CLINT1: variants seen among roughly 807,000 people sequenced by gnomAD.
CLINT1 encodes clathrin interactor 1, also known as clathrin interacting protein localized in the trans-Golgi region.
A neutral mutation model predicts 70.4 loss-of-function variants in CLINT1; 15 were observed. The observed-to-expected ratio is 0.21, with a 90% CI of 0.14 to 0.33. CLINT1 has a LOEUF of 0.33. Among genes scored for constraint, CLINT1 ranks in the 10% least tolerant of loss-of-function variants. CLINT1 has a pLI of 1.00. For missense variants in CLINT1, 615 were observed against 778.1 expected (o/e 0.79, Z 2.49); for synonymous variants, 227 against 254.7 (o/e 0.89, Z 1.04).
chr5:157,825,279 TTC>T (rs1479592045), intron 1 of CLINT1, among the ~76,000 whole-genome samples: 2 of 152,178 alleles, frequency 1.3e-5, no homozygotes, highest in East Asian at 3.8e-4. Flanking sequence ...ATTATGCATC[TTC>T]TGTTTTCCTC....
chr5:157,855,630 C>T (rs1753734532), intron 1 of CLINT1, among the ~76,000 whole-genome samples: 1 of 152,192 alleles, frequency 6.6e-6, no homozygotes, highest in African/African-American at 2.4e-5. Flanking sequence ...AATATACCCC[C>T]ACTTCCAGAA....
chr5:157,793,985 C>T (rs1369546090), intron 9 of CLINT1, among the ~76,000 whole-genome samples: 1 of 151,932 alleles, frequency 6.6e-6, no homozygotes, highest in Non-Finnish European at 1.5e-5. Flanking sequence ...ATTCTCATAG[C>T]TAAATTTTAA....
intron 1 of CLINT1, among the ~76,000 whole-genome samples, chr5:157,840,710 T>A (rs1300204768): frequency 6.6e-6 from 1 of 151,744 alleles, no homozygotes; most frequent in African/African-American, 2.4e-5. Flanking sequence ...TTACTACTCA[T>A]TGTTAATTTT....
intron 1 of CLINT1, among the ~76,000 whole-genome samples, chr5:157,820,424 C>A (rs1762845453): frequency 6.6e-6 from 1 of 151,868 alleles, no homozygotes; most frequent in Non-Finnish European, 1.5e-5. Flanking sequence ...TCCCCTCCCC[C>A]AAAAAAAGCT....
rs183589548 is a variant in CLINT1 at position 157,791,708 on chromosome 5, A to T, written c.1375T>A (p.Ser459Thr). 1 of 1,609,618 alleles carries T rather than the reference A, an allele frequency of 6.2e-7. No individual in the cohort carries two copies. Among genetic ancestry groups the T allele is most frequent in the Admixed American group, 1.7e-5 (1 of 59,482 alleles). The change falls in exon 10 of 12, where the codon TCA (serine) becomes ACA (threonine). Residue 459 changes from serine (S) to threonine (T), a missense_variant. By Grantham distance (58) the Ser-to-Thr change is moderately conservative. Around this residue, in one of 2 missense-constraint regions of CLINT1, gnomAD observed 374 missense variants for 409.6 expected, o/e 0.91. Transcript: ENST00000411809. Reference sequence around the variant, plus strand: ...AAGGGAACCAGACAACTTACCTGTGATCTTGACATAGGCAAACCAAGTCCC... The same window carrying T: ...AAGGGAACCAGACAACTTACCTGTGTTCTTGACATAGGCAAACCAAGTCCC... ...TVGLGLPMSR[S>T]QNTDMVQKSV...
At chr5:157,845,553 ATT>A (rs1218339354) in intron 1 of CLINT1, among the ~76,000 whole-genome samples, 10 of 136,712 alleles carry the variant, frequency 7.3e-5, no homozygotes, top group Admixed American at 2.2e-4. Flanking sequence ...GCATTTTAGT[ATT>A]TTTTTTTTTT....
rs1035142308 is a variant in CLINT1 at position 157,839,622 on chromosome 5, C to A, written c.41+19308G>T. Among the ~76,000 whole-genome samples the A allele has an allele frequency of 2.5e-4, 36 of 141,906 alleles. 1 individual carries two copies. The highest frequency in any genetic ancestry group is 2.7e-4 in the Admixed American group (4 of 14,558). The allele number at this position is 141,906 out of a possible 152,430, so 93.1% of individuals were successfully genotyped here. On this transcript the variant is annotated intron_variant, in intron 1 of 11. Coordinates refer to ENST00000411809, the MANE Select transcript of CLINT1 (RefSeq NM_014666.4). Reference sequence around the variant, plus strand: ...TCTTAAATAAAATAAAAAAAAAAAACAAACAAAAAAAAACAGAACTTTGTC... The same window carrying A: ...TCTTAAATAAAATAAAAAAAAAAAAAAAACAAAAAAAAACAGAACTTTGTC...
At chr5:157,831,692 CCT>C (rs1491333190) in intron 1 of CLINT1, among the ~76,000 whole-genome samples, 3 of 132,668 alleles carry the variant, frequency 2.3e-5, no homozygotes, top group Non-Finnish European at 3.1e-5. Context: ...GTGAAAATAT[CCT>C]TTTTTTTTTT....
chr5:157,812,622 A>G (rs1762598157), intron 5 of CLINT1, among the ~76,000 whole-genome samples: 1 of 152,238 alleles, frequency 6.6e-6, no homozygotes, highest in Non-Finnish European at 1.5e-5. Context: ...TGAGGCTGGA[A>G]TGACTGTCAG....
At chr5:157,799,960 T>C (rs1229126936) in intron 8 of CLINT1, among the ~76,000 whole-genome samples, 1 of 152,170 alleles carries the variant, frequency 6.6e-6, no homozygotes, top group Non-Finnish European at 1.5e-5. Flanking sequence ...TATGGGACCA[T>C]GGTCACATAC....
intron 1 of CLINT1, 56 bp downstream of exon 1, chr5:157,858,874 T>TCCCCCCCCCCCC: frequency 1.0e-6 from 1 of 957,434 alleles, no homozygotes; most frequent in Non-Finnish European, 1.5e-6. Flanking sequence ...CAGCTCCTTC[T>TCCCCCCCCCCCC]CCCCCTCCCC....
At chr5:157,856,915 T>C (rs1753776656) in intron 1 of CLINT1, among the ~76,000 whole-genome samples, 1 of 152,208 alleles carries the variant, frequency 6.6e-6, no homozygotes, top group African/African-American at 2.4e-5. Flanking sequence ...TGAAGATTAG[T>C]AACAAGTGTG....
intron 1 of CLINT1, among the ~76,000 whole-genome samples, chr5:157,854,006 GGA>G (rs1753666598): frequency 6.6e-6 from 1 of 152,030 alleles, no homozygotes; most frequent in South Asian, 2.1e-4. Flanking sequence ...TACTAGAAAA[GGA>G]GGAGAATAAT....
chr5:157,793,862 A>G (rs1321903688), intron 9 of CLINT1, among the ~76,000 whole-genome samples: 1 of 152,216 alleles, frequency 6.6e-6, no homozygotes, highest in African/African-American at 2.4e-5. Context: ...ATTACTAAAT[A>G]TAAATTTTAA....
intron 1 of CLINT1, among the ~76,000 whole-genome samples, chr5:157,820,255 C>T (rs1381380964): frequency 6.6e-6 from 1 of 152,144 alleles, no homozygotes; most frequent in Non-Finnish European, 1.5e-5. Flanking sequence ...TCGATACCAG[C>T]CTGGCCAACA....
In CLINT1 at chr5:157,836,525, T is replaced by C. The variant is rs540469627; in HGVS notation, c.42-18978A>G. ...GTAAGTTACATGGCCCTGAGCATAG[T>C]GGTGTCATTAAGCGGTGTCATTTTG... is the stretch of plus-strand genomic sequence containing the variant. On this transcript the variant is annotated intron_variant, in intron 1 of 11. Transcript: ENST00000411809. Among the ~76,000 whole-genome samples, 8 of 152,346 alleles carry C rather than the reference T, an allele frequency of 5.3e-5. No individual in the cohort carries two copies. In the South Asian group the frequency reaches 1.7e-3, roughly 32 times the overall value.
intron 1 of CLINT1, among the ~76,000 whole-genome samples, chr5:157,832,825 C>T (rs1390246708): frequency 6.6e-6 from 1 of 152,118 alleles, no homozygotes; most frequent in African/African-American, 2.4e-5. Context: ...TCCCTAGGTA[C>T]CTCTCAAATA....
At chr5:157,799,930 G>A (rs914644288) in intron 8 of CLINT1, among the ~76,000 whole-genome samples, 4 of 152,044 alleles carry the variant, frequency 2.6e-5, no homozygotes, top group Non-Finnish European at 5.9e-5. Context: ...AGAAAGGTAC[G>A]GTAGAAATAT....
chr5:157,811,529 CAAAAAAAAAAAAAAA>C (rs1302614583), intron 5 of CLINT1, among the ~76,000 whole-genome samples: 1 of 95,010 alleles, frequency 1.1e-5, no homozygotes, highest in Non-Finnish European at 2.2e-5. Flanking sequence ...CAAGAATCCT[CAAAAAAAAAAAAAAA>C]GAAAAGAAAA....
Sources: gnomAD v4.1 joint callset for allele counts (sites outside exome capture counted in the v4.1 genomes callset) on GRCh38, gnomAD v4.1.1 for gene constraint, gnomAD v4.1.1 regional missense constraint, MANE v1.5 for transcripts, NCBI Gene and HGNC (gene_info 2026-07-23, HGNC 2026-07-21) for gene names.